Variants in PCGF5 observed in about 807,000 individuals in gnomAD.
PCGF5 encodes polycomb group RING finger protein 5.
Under a neutral mutation model 44.3 loss-of-function variants are expected in PCGF5, and 9 were observed. That is an observed-to-expected ratio of 0.20 (90% CI 0.12 to 0.35). The LOEUF (loss-of-function observed/expected upper bound fraction) is 0.35. Among genes scored for constraint, PCGF5 ranks in the 10% least tolerant of loss-of-function variants. PCGF5 has a pLI of 1.00. For synonymous variants in PCGF5, 95 were observed against 102.5 expected (o/e 0.93, Z 0.44); for missense variants, 146 against 305.3 (o/e 0.48, Z 3.89).
intron 1 of PCGF5, among the ~76,000 whole-genome samples, chr10:91,166,420 C>T (rs1843500987): frequency 1.3e-5 from 2 of 152,140 alleles, no homozygotes; most frequent in South Asian, 4.1e-4. Flanking sequence ...AGCAGGAAAA[C>T]ATATCTCCTT....
chr10:91,177,533 T>C (rs1169483485), intron 1 of PCGF5, among the ~76,000 whole-genome samples: 24 of 152,220 alleles, frequency 1.6e-4, no homozygotes, highest in Admixed American at 1.6e-3. Context: ...ACAGGCCTCC[T>C]TGAGCTGCGG....
intron 1 of PCGF5, among the ~76,000 whole-genome samples, chr10:91,163,287 T>A (rs1184994293): frequency 6.7e-6 from 1 of 149,886 alleles, no homozygotes; most frequent in East Asian, 2.0e-4. Context: ...GCGGCCGGGC[T>A]GGCGGCGCGC....
At chr10:91,241,023 T>G (rs975093615) in intron 3 of PCGF5, among the ~76,000 whole-genome samples, 1 of 149,420 alleles carries the variant, frequency 6.7e-6, no homozygotes, top group African/African-American at 2.4e-5. Flanking sequence ...TACTTACCCC[T>G]CAACTTTAGC....
intron 5 of PCGF5, among the ~76,000 whole-genome samples, chr10:91,250,475 T>G (rs1029697369): frequency 3.3e-5 from 5 of 150,794 alleles, no homozygotes; most frequent in African/African-American, 1.2e-4. Context: ...ACCTCTCACA[T>G]CCTGTATTTG....
At position 91,256,342 on chromosome 10, in the gene PCGF5, A is replaced by G. The variant is rs1416190037; in HGVS notation, c.474+4902A>G. The stretch of plus-strand genomic sequence containing the variant: ...GAGGCTCAACAGCAGACTTGAGCCA[A>G]AGAAAAAGAACCTGTAAAATTGAAG... On this transcript the variant is annotated intron_variant, in intron 6 of 9. Transcript: ENST00000336126. Among the ~76,000 whole-genome samples the G allele has an allele frequency of 2.6e-5, 4 of 152,060 alleles. No homozygotes were observed. In the East Asian group the frequency reaches 7.7e-4, roughly 29 times the overall value.
intron 3 of PCGF5, among the ~76,000 whole-genome samples, chr10:91,243,218 C>G (rs1346835727): frequency 6.6e-6 from 1 of 152,160 alleles, no homozygotes; most frequent in African/African-American, 2.4e-5. Flanking sequence ...AGGGGAAGAT[C>G]TTTACCAAAG....
chr10:91,173,297 C>G (rs550901775), intron 1 of PCGF5, among the ~76,000 whole-genome samples: 143 of 152,264 alleles, frequency 9.4e-4, no homozygotes, highest in African/African-American at 3.3e-3. Flanking sequence ...CTCTTGTTAT[C>G]CCTGTGATAG....
intron 9 of PCGF5, among the ~76,000 whole-genome samples, chr10:91,275,113 A>G (rs1365545904): frequency 6.6e-6 from 1 of 152,210 alleles, no homozygotes; most frequent in East Asian, 1.9e-4. Flanking sequence ...AAATATCATA[A>G]AATATATTTG....
At chr10:91,206,609 GA>G (rs1844351896) in intron 1 of PCGF5, among the ~76,000 whole-genome samples, 1 of 152,136 alleles carries the variant, frequency 6.6e-6, no homozygotes. Context: ...TGCCAGTCTG[GA>G]GCAAGAACAC....
intron 2 of PCGF5, among the ~76,000 whole-genome samples, chr10:91,231,324 GATAA>G (rs1261398126): frequency 2.6e-5 from 4 of 152,302 alleles, no homozygotes; most frequent in African/African-American, 9.6e-5. Flanking sequence ...TATATTAGGT[GATAA>G]ATACTGTAGA....
At chr10:91,268,842 T>C (rs1165446734) in intron 8 of PCGF5, among the ~76,000 whole-genome samples, 8 of 152,136 alleles carry the variant, frequency 5.3e-5, no homozygotes, top group Non-Finnish European at 1.2e-4. Flanking sequence ...CTTGTCTCCA[T>C]TGTGATGCAT....
chr10:91,168,585 A>G (rs1047476612), intron 1 of PCGF5, among the ~76,000 whole-genome samples: 2 of 152,120 alleles, frequency 1.3e-5, no homozygotes, highest in African/African-American at 4.8e-5. Flanking sequence ...GACTAGGGAT[A>G]GGGAGAAGGC....
At chr10:91,273,937 A>G (rs559193735) in intron 9 of PCGF5, among the ~76,000 whole-genome samples, 225 of 151,658 alleles carry the variant, frequency 1.5e-3, no homozygotes, top group African/African-American at 5.1e-3. Flanking sequence ...ATAAAATTCA[A>G]TGTGAAGTCC....
At chr10:91,246,493 A>G (rs1457749013) in intron 3 of PCGF5, among the ~76,000 whole-genome samples, 1 of 152,168 alleles carries the variant, frequency 6.6e-6, no homozygotes, top group Non-Finnish European at 1.5e-5. Context: ...ATATAAACAC[A>G]TGAAGTCAGG....
chr10:91,218,736 G>A (rs1017467737), upstream of PCGF5, among the ~76,000 whole-genome samples: 13 of 151,950 alleles, frequency 8.6e-5, no homozygotes, highest in Non-Finnish European at 1.2e-4. Flanking sequence ...AGGTTCAAGC[G>A]ATTCTCCTGC....
At chr10:91,257,202 A>G (rs984741310) in intron 6 of PCGF5, among the ~76,000 whole-genome samples, 2 of 152,114 alleles carry the variant, frequency 1.3e-5, no homozygotes, top group Non-Finnish European at 2.9e-5. Flanking sequence ...AGCACAGGAA[A>G]AGTTGCTAAA....
intron 1 of PCGF5, among the ~76,000 whole-genome samples, chr10:91,210,940 G>A (rs2133251722): frequency 6.6e-6 from 1 of 152,258 alleles, no homozygotes; most frequent in African/African-American, 2.4e-5. Context: ...TCAGACAGGT[G>A]AGCTGCTTCA....
chr10:91,236,710 GT>G (rs1353826364), intron 2 of PCGF5, among the ~76,000 whole-genome samples: 2 of 152,214 alleles, frequency 1.3e-5, no homozygotes, highest in African/African-American at 2.4e-5. Context: ...GTGATGAGAA[GT>G]TTTTTAAGCA....
chr10:91,253,648 G>A (rs1040450534), intron 6 of PCGF5, among the ~76,000 whole-genome samples: 43 of 152,010 alleles, frequency 2.8e-4, no homozygotes, highest in African/African-American at 9.9e-4. Context: ...CAGTCACTAA[G>A]TCCTGCAAAA....
Sources: allele counts gnomAD v4.1 joint callset (sites outside exome capture counted in the v4.1 genomes callset), GRCh38; gene constraint gnomAD v4.1.1; transcripts MANE v1.5; gene names NCBI Gene and HGNC (gene_info 2026-07-23, HGNC 2026-07-21).